The following BAZ2B variants were observed in gnomAD, a reference collection of about 807,000 sequenced individuals.
BAZ2B encodes bromodomain adjacent to zinc finger domain protein 2B.
In BAZ2B, 91 loss-of-function variants were observed where a neutral mutation model predicts 246.0. The ratio of observed to expected loss-of-function variants is 0.37; its 90% CI spans 0.31 to 0.44. The LOEUF (loss-of-function observed/expected upper bound fraction) is 0.44. BAZ2B is among the 20% of genes least tolerant of loss of function. BAZ2B has a pLI of 1.00. For missense variants in BAZ2B, 2,332 were observed against 2,533.7 expected (o/e 0.92, Z 1.71); for synonymous variants, 855 against 860.0 (o/e 0.99, Z 0.10).
intron 5 of BAZ2B, 29 bp from the exon 6 acceptor site, chr2:159,447,004 C>A: frequency 7.0e-7 from 1 of 1,432,086 alleles, no homozygotes; most frequent in South Asian, 1.4e-5. Context: ...CATGTTTATA[C>A]AATGGAATAT....
chr2:159,541,121 CT>C (rs1454942703), intron 2 of BAZ2B, among the ~76,000 whole-genome samples: 1 of 152,078 alleles, frequency 6.6e-6, no homozygotes, highest in Non-Finnish European at 1.5e-5. Context: ...GGATTATGAC[CT>C]TTGTTTTACT....
intron 1 of BAZ2B, among the ~76,000 whole-genome samples, chr2:159,587,671 CT>C (rs1410846109): frequency 6.6e-6 from 1 of 152,198 alleles, no homozygotes; most frequent in Non-Finnish European, 1.5e-5. Context: ...AACCTTACCC[CT>C]CTCAGGGCTA....
chr2:159,673,616 C>T, the BAZ2B span, among the ~76,000 whole-genome samples: 6 of 151,748 alleles, frequency 4.0e-5, no homozygotes, highest in Admixed American at 6.6e-5. Context: ...AATGCTCTTA[C>T]ATTAGTAGGT....
chr2:159,632,089 T>C, the BAZ2B span, among the ~76,000 whole-genome samples: 1 of 152,304 alleles, frequency 6.6e-6, no homozygotes, highest in African/African-American at 2.4e-5. Context: ...AATTTAGCAA[T>C]TCATTAAGAC....
chr2:159,599,346 C>T (rs1324935698), intron 1 of BAZ2B, among the ~76,000 whole-genome samples: 3 of 151,518 alleles, frequency 2.0e-5, no homozygotes, highest in Non-Finnish European at 2.9e-5. Context: ...CTGCCGAGCG[C>T]GGTGGCTCAA....
At chr2:159,530,645 T>C (rs2151316436) in intron 2 of BAZ2B, among the ~76,000 whole-genome samples, 1 of 152,190 alleles carries the variant, frequency 6.6e-6, no homozygotes, top group African/African-American at 2.4e-5. Flanking sequence ...AACTCTCCAT[T>C]CATCAAAATT....
intron 2 of BAZ2B, among the ~76,000 whole-genome samples, chr2:159,507,941 A>C (rs2082501734): frequency 6.6e-6 from 1 of 152,138 alleles, no homozygotes; most frequent in African/African-American, 2.4e-5. Context: ...GCATGATCTC[A>C]GCTTGCCACA....
chr2:159,640,414 T>G, the BAZ2B span, among the ~76,000 whole-genome samples: 1 of 152,064 alleles, frequency 6.6e-6, no homozygotes, highest in Admixed American at 6.5e-5. Flanking sequence ...CTTCTTGGCA[T>G]ATGAATCATT....
chr2:159,700,018 G>A, the BAZ2B span, among the ~76,000 whole-genome samples: 3 of 152,078 alleles, frequency 2.0e-5, no homozygotes, highest in Non-Finnish European at 4.4e-5. Context: ...CCTTTTTCAA[G>A]GGCCCTAATC....
intron 2 of BAZ2B, among the ~76,000 whole-genome samples, chr2:159,511,091 A>T (rs1026589558): frequency 2.0e-5 from 3 of 152,240 alleles, no homozygotes; most frequent in Admixed American, 2.0e-4. Context: ...ATGTCTTCAA[A>T]TCATCAAAAA....
At chr2:159,640,682 T>C in the BAZ2B span, among the ~76,000 whole-genome samples, 4 of 151,892 alleles carry the variant, frequency 2.6e-5, no homozygotes, top group African/African-American at 9.7e-5. Context: ...TCAAAACCTA[T>C]GGAATACACT....
intron 1 of BAZ2B, among the ~76,000 whole-genome samples, chr2:159,556,075 G>A (rs1437283176): frequency 6.6e-6 from 1 of 152,070 alleles, no homozygotes; most frequent in Non-Finnish European, 1.5e-5. Flanking sequence ...TTATAGTATG[G>A]CAGATCATGT....
At chr2:159,547,411 G>T (rs1248523165) in intron 2 of BAZ2B, among the ~76,000 whole-genome samples, 2 of 151,946 alleles carry the variant, frequency 1.3e-5, no homozygotes, top group African/African-American at 4.8e-5. Context: ...CTCCTCCATG[G>T]TTTTTTCTGT....
At chr2:159,450,962 T>C (rs2075009383) in intron 4 of BAZ2B, among the ~76,000 whole-genome samples, 2 of 152,206 alleles carry the variant, frequency 1.3e-5, no homozygotes, top group Admixed American at 1.3e-4. Context: ...CCTCAAGTGA[T>C]CTGCCTGCCT....
chr2:159,502,991 A>G (rs1393176667), intron 2 of BAZ2B, among the ~76,000 whole-genome samples: 1 of 152,176 alleles, frequency 6.6e-6, no homozygotes, highest in African/African-American at 2.4e-5. Context: ...TATTCCCACC[A>G]TCATCTTAAT....
At chr2:159,339,038 T>C (rs1330263550) in intron 31 of BAZ2B, among the ~76,000 whole-genome samples, 1 of 152,180 alleles carries the variant, frequency 6.6e-6, no homozygotes, top group Non-Finnish European at 1.5e-5. Flanking sequence ...GCATATTAAA[T>C]GAAAAATGGA....
At chr2:159,540,667 G>T (rs561449303) in intron 2 of BAZ2B, among the ~76,000 whole-genome samples, 1 of 152,276 alleles carries the variant, frequency 6.6e-6, no homozygotes, top group South Asian at 2.1e-4. Flanking sequence ...ATATGAATTT[G>T]AATCTTAGTT....
At chr2:159,427,659 A>G (rs1304653533) in intron 13 of BAZ2B, among the ~76,000 whole-genome samples, 1 of 152,160 alleles carries the variant, frequency 6.6e-6, no homozygotes, top group Non-Finnish European at 1.5e-5. Flanking sequence ...TCATATGAAG[A>G]TGCAGATGCT....
At chr2:159,536,359 T>C (rs1460827268) in intron 2 of BAZ2B, 1 of 152,220 alleles carries the variant, frequency 6.6e-6, no homozygotes, top group Non-Finnish European at 1.5e-5. Flanking sequence ...AATCAAATAC[T>C]TTAAATGGAA....
Sources: gnomAD v4.1 joint callset for allele counts (sites outside exome capture counted in the v4.1 genomes callset) on GRCh38, gnomAD v4.1.1 for gene constraint, MANE v1.5 for transcripts, NCBI Gene and HGNC (gene_info 2026-07-23, HGNC 2026-07-21) for gene names.